Variants in NME9 observed in about 807,000 individuals in gnomAD.
NME9 encodes thioredoxin domain-containing protein 6.
Under a neutral mutation model 44.4 loss-of-function variants are expected in NME9, and 48 were observed. The observed-to-expected ratio is 1.08, with a 90% CI of 0.86 to 1.37. The LOEUF (loss-of-function observed/expected upper bound fraction) is 1.37. Among genes scored for constraint, NME9 ranks in the 40% most tolerant of loss-of-function variants. The pLI is 0.00. For synonymous variants in NME9, 139 were observed against 147.1 expected (o/e 0.94, Z 0.40); for missense variants, 325 against 405.2 (o/e 0.80, Z 1.70).
chr3:138,272,208 T>C (rs2048866684), intron 8 of NME9, among the ~76,000 whole-genome samples: 1 of 152,218 alleles, frequency 6.6e-6, no homozygotes. Context: ...CATAGTATTG[T>C]GAACACAAGA....
chr3:138,326,225 T>C (rs1268882383), intron 1 of NME9, among the ~76,000 whole-genome samples: 2 of 152,210 alleles, frequency 1.3e-5, no homozygotes, highest in Non-Finnish European at 2.9e-5. Flanking sequence ...TTGGAGAAGC[T>C]GAAGATCATT....
At position 138,290,665 on chromosome 3, in the gene NME9, G is replaced by T. The variant is rs1046229910; in HGVS notation, c.745+12842C>A. On this transcript the variant is annotated intron_variant, in intron 8 of 8. Coordinates refer to the NME9 transcript ENST00000317876. Reference sequence around the variant, plus strand: ...GTGAGTATGAATGTGAAAAGGCCTTGCTTTGGGCTGTGTTGGATTCTTTCG... The same window carrying T: ...GTGAGTATGAATGTGAAAAGGCCTTTCTTTGGGCTGTGTTGGATTCTTTCG... 5 of 1,494,340 alleles carry T rather than the reference G, an allele frequency of 3.3e-6. No homozygotes were observed. The African/African-American group carries it at 5.5e-5, about 16-fold the overall frequency. The allele number at this position is 1,494,340 out of a possible 1,614,324, so 92.6% of individuals were successfully genotyped here.
chr3:138,284,587 C>A, intron 8 of NME9: 4 of 1,233,730 alleles, frequency 3.2e-6, no homozygotes, highest in Non-Finnish European at 4.8e-6. Flanking sequence ...ATTTTTAACT[C>A]AAAATAAATT....
intron 9 of NME9, among the ~76,000 whole-genome samples, chr3:138,304,596 G>A (rs898769198): frequency 6.6e-5 from 10 of 152,168 alleles, no homozygotes; most frequent in African/African-American, 1.2e-4. Flanking sequence ...TCCTCTGGCC[G>A]AAAAGAGAAA....
intron 8 of NME9, among the ~76,000 whole-genome samples, chr3:138,264,868 T>G (rs988555908): frequency 1.3e-5 from 2 of 151,844 alleles, no homozygotes; most frequent in African/African-American, 2.4e-5. Flanking sequence ...AGATAATGTG[T>G]TGTTCTTAGT....
At chr3:138,267,304 T>C (rs1477685247) in intron 8 of NME9, 1 of 983,328 alleles carries the variant, frequency 1.0e-6, no homozygotes, top group East Asian at 2.7e-5. Flanking sequence ...TCAAATACTT[T>C]TTATAGTAGT....
downstream of NME9, among the ~76,000 whole-genome samples, chr3:138,298,779 C>T (rs553383656): frequency 1.3e-5 from 2 of 152,334 alleles, no homozygotes; most frequent in East Asian, 1.9e-4. Context: ...AGGTGCTCTT[C>T]GTCTACTACG....
In NME9 at chr3:138,301,657, G is replaced by C. The variant is rs927499116; in HGVS notation, c.976C>G (p.Pro326Ala). The change falls in exon 11 of 11, where the codon CCT becomes GCT. Residue 326 changes from proline (P) to alanine (A), a missense_variant. Transcript: ENST00000333911. ...TAGPTEALCF[P>A]EDVD The stretch of plus-strand genomic sequence containing the variant: ...CAGCCATCTCAATCCACATCCTCAG[G>C]AAAGCAAAGCGCCTCAGTGGGCCCC... 1.3e-6 allele frequency: 2 copies of C among 1,536,078 alleles called. No individual in the cohort carries two copies. Among genetic ancestry groups the C allele is most frequent in the Non-Finnish European group, 1.7e-6 (2 of 1,146,892 alleles).
At chr3:138,279,113 C>T (rs1404104037) in intron 8 of NME9, among the ~76,000 whole-genome samples, 1 of 152,178 alleles carries the variant, frequency 6.6e-6, no homozygotes, top group African/African-American at 2.4e-5. Context: ...GAAAAGCACT[C>T]AGTCTTTCAC....
intron 8 of NME9, among the ~76,000 whole-genome samples, chr3:138,284,111 A>C (rs1214281489): frequency 5.3e-5 from 8 of 152,232 alleles, no homozygotes. Context: ...TGAGATTTTC[A>C]AGAAAAATAA....
At chr3:138,323,583 CAGA>C (rs2053597506) in intron 2 of NME9, among the ~76,000 whole-genome samples, 1 of 152,080 alleles carries the variant, frequency 6.6e-6, no homozygotes, top group African/African-American at 2.4e-5. Flanking sequence ...ACAGAGGTTC[CAGA>C]AGGATTTCAT....
chr3:138,262,690 A>C, intron 8 of NME9: 1 of 1,171,322 alleles, frequency 8.5e-7, no homozygotes, highest in Non-Finnish European at 1.1e-6. Context: ...GATTAAAAAA[A>C]AAAATCTCCC....
intron 8 of NME9, among the ~76,000 whole-genome samples, chr3:138,290,900 C>T (rs537842924): frequency 1.3e-5 from 2 of 152,326 alleles, no homozygotes; most frequent in East Asian, 3.9e-4. Flanking sequence ...AGGCCATTTG[C>T]GTACATTCGC....
chr3:138,279,650 T>TTGGAA (rs2049679047), intron 8 of NME9, among the ~76,000 whole-genome samples: 2 of 152,344 alleles, frequency 1.3e-5, no homozygotes, highest in Admixed American at 6.5e-5. Flanking sequence ...ATGCTACCAG[T>TTGGAA]TGGAATCATC....
chr3:138,322,553 T>C (rs913881335), intron 2 of NME9, among the ~76,000 whole-genome samples: 3 of 151,348 alleles, frequency 2.0e-5, no homozygotes, highest in Non-Finnish European at 4.4e-5. Context: ...TGAAGGGACT[T>C]TGGCATGTTG....
At chr3:138,263,702 A>C (rs371229200) in intron 8 of NME9, 1 of 1,530,312 alleles carries the variant, frequency 6.5e-7, no homozygotes, top group African/African-American at 1.4e-5. Flanking sequence ...TGTCACCTTC[A>C]TGTTGTTATT....
In NME9 at chr3:138,329,821, T is replaced by C. The variant is rs1016774671; in HGVS notation, c.-486A>G. 4.1e-6 allele frequency: 4 copies of C among 986,102 alleles called. No homozygotes were observed. In the African/African-American group the frequency reaches 5.2e-5, roughly 13 times the overall value. The allele number at this position is 986,102 out of a possible 1,614,324, so 61.1% of individuals were successfully genotyped here. A position where few individuals can be genotyped will look rare whatever the true frequency, so the allele number is the denominator to read the frequency against. ...GACGCGCCCGGAGTCACCAACCGAG[T>C]CTGCCGCGACCTAGCCGCGGTCGTC... On this transcript the variant is annotated 5_prime_UTR_variant, in exon 1 of 11. Coordinates refer to ENST00000333911, the MANE Select transcript of NME9 (RefSeq NM_001349018.2).
intron 1 of NME9, among the ~76,000 whole-genome samples, chr3:138,328,697 A>G (rs75426133): frequency 0.058 from 8,796 of 152,250 alleles, 834 homozygotes; most frequent in African/African-American, 0.2. Flanking sequence ...ATCAACCACT[A>G]TCTATTGTCC....
chr3:138,318,901 G>A (rs971989813), intron 3 of NME9, among the ~76,000 whole-genome samples: 8 of 152,134 alleles, frequency 5.3e-5, no homozygotes, highest in Non-Finnish European at 8.8e-5. Context: ...GTGTTCATGA[G>A]CCAAGAAGGA....
Sources: gnomAD v4.1 joint callset for allele counts (sites outside exome capture counted in the v4.1 genomes callset) on GRCh38, gnomAD v4.1.1 for gene constraint, MANE v1.5 for transcripts, NCBI Gene and HGNC (gene_info 2026-07-23, HGNC 2026-07-21) for gene names.